CFAP54: variants seen among roughly 807,000 people sequenced by gnomAD.
CFAP54 encodes cilia- and flagella-associated protein 54.
A neutral mutation model predicts 370.4 loss-of-function variants in CFAP54; 290 were observed. The ratio of observed to expected loss-of-function variants is 0.78; its 90% confidence interval spans 0.71 to 0.86. The LOEUF (loss-of-function observed/expected upper bound fraction) is 0.86. Among genes scored for constraint, CFAP54 ranks in the 40% least tolerant of loss-of-function variants. The pLI is 0.00. For synonymous variants in CFAP54, 1,206 were observed against 1,236.5 expected, an observed-to-expected ratio of 0.98 and a Z score of 0.52; for missense variants, 3,399 against 3,528.7, an observed-to-expected ratio of 0.96 and a Z score of 0.93.
At chr12:96,843,984 C>T (rs1033905944) in intron 66 of CFAP54, among the ~76,000 whole-genome samples, 3 of 152,170 alleles carry the variant, frequency 2.0e-5, no homozygotes, top group African/African-American at 4.8e-5. Context: ...GCACAATAGG[C>T]ATTTGCAGGC....
At chr12:96,828,697 C>A (rs1959155538) in intron 65 of CFAP54, among the ~76,000 whole-genome samples, 1 of 152,160 alleles carries the variant, frequency 6.6e-6, no homozygotes, top group African/African-American at 2.4e-5. Flanking sequence ...AATTTCCAGT[C>A]ATTCTTCTCT....
chr12:96,657,062 C>G (rs1956929942), intron 36 of CFAP54, among the ~76,000 whole-genome samples: 1 of 152,122 alleles, frequency 6.6e-6, no homozygotes, highest in Admixed American at 6.5e-5. Flanking sequence ...GATGTTTATC[C>G]TCTACTTTTG....
At chr12:96,644,512 A>G in intron 33 of CFAP54, 104 bp downstream of exon 33, 1 of 812,810 alleles carries the variant, frequency 1.2e-6, no homozygotes, top group Non-Finnish European at 1.9e-6. Context: ...GGAGGTTTAC[A>G]GAGTGCTTCT....
intron 27 of CFAP54, among the ~76,000 whole-genome samples, chr12:96,623,488 G>A (rs1362903048): frequency 6.6e-6 from 1 of 152,206 alleles, no homozygotes; most frequent in Non-Finnish European, 1.5e-5. Context: ...TGCAGGTTTT[G>A]GAGGGGGCTG....
At chr12:96,802,417 A>C (rs1368483943) in intron 63 of CFAP54, among the ~76,000 whole-genome samples, 1 of 152,058 alleles carries the variant, frequency 6.6e-6, no homozygotes, top group Non-Finnish European at 1.5e-5. Flanking sequence ...AAACTATCCT[A>C]AGCACACTTA....
At chr12:96,568,663 CA>C (rs1053157795) in intron 19 of CFAP54, among the ~76,000 whole-genome samples, 22 of 152,102 alleles carry the variant, frequency 1.4e-4, no homozygotes, top group African/African-American at 5.3e-4. Flanking sequence ...AAATTATCCC[CA>C]AATCAGTAAT....
intron 1 of CFAP54, among the ~76,000 whole-genome samples, chr12:96,497,618 A>G (rs1458066819): frequency 1.3e-5 from 2 of 152,224 alleles, no homozygotes; most frequent in African/African-American, 4.8e-5. Context: ...TTACAGTTGA[A>G]GAAACAACCT....
At chr12:96,520,812 A>G (rs954861228) in intron 6 of CFAP54, among the ~76,000 whole-genome samples, 4 of 152,240 alleles carry the variant, frequency 2.6e-5, no homozygotes, top group Non-Finnish European at 4.4e-5. Context: ...GCACATGCCT[A>G]TTCATATCTT....
At chr12:96,809,355 A>G (rs1214095761) in intron 63 of CFAP54, among the ~76,000 whole-genome samples, 1 of 151,840 alleles carries the variant, frequency 6.6e-6, no homozygotes, top group East Asian at 1.9e-4. Flanking sequence ...TTTTTTCCCT[A>G]TTATCTACGT....
At position 96,580,595 on chromosome 12, in the gene CFAP54, A is replaced by G. The variant is rs1405716273; in HGVS notation, c.2797-2A>G. ...AAACAGGCTCATTTTTCTCGTCGGCAGGTCTCCTGGTACTGCATTTTGGGT... is the reference window on the plus strand; with the variant it reads ...AAACAGGCTCATTTTTCTCGTCGGCGGGTCTCCTGGTACTGCATTTTGGGT... On this transcript the variant is annotated splice_acceptor_variant, in intron 20 of 67. Transcript: ENST00000524981. LOFTEE classifies it high-confidence loss of function. 3.4e-6 allele frequency: 5 copies of G among 1,485,694 alleles called. No homozygotes were observed. Among genetic ancestry groups the G allele is most frequent in the Non-Finnish European group, 4.5e-6 (5 of 1,122,124 alleles). The allele number at this position is 1,485,694 out of a possible 1,614,324, so 92.0% of individuals were successfully genotyped here.
At position 96,537,492 on chromosome 12, in the gene CFAP54, A is replaced by G. The variant is rs1955518932; in HGVS notation, c.1792-892A>G. On this transcript the variant is annotated intron_variant, in intron 12 of 67. Coordinates refer to ENST00000524981, the MANE Select transcript of CFAP54 (RefSeq NM_001306084.2). ...AAGTAGCTGGGACTACAGGCACACG[A>G]CACCATGCCCAGCTACTTTTTATAT... 3.9e-5 allele frequency among the ~76,000 whole-genome samples: 6 copies of G among 152,066 alleles called. No individual in the cohort carries two copies. The South Asian group carries it at 1.2e-3, about 32-fold the overall frequency.
intron 32 of CFAP54, among the ~76,000 whole-genome samples, chr12:96,641,936 T>TGGGGGGGGG (rs758561828): frequency 8.1e-5 from 7 of 85,922 alleles, no homozygotes; most frequent in South Asian, 3.5e-4. Flanking sequence ...TGTGGGGTGG[T>TGGGGGGGGG]GCGGGGGGGG....
At chr12:96,551,227 C>A (rs1592846770) in intron 15 of CFAP54, among the ~76,000 whole-genome samples, 1 of 152,104 alleles carries the variant, frequency 6.6e-6, no homozygotes, top group African/African-American at 2.4e-5. Flanking sequence ...CACTGTACTC[C>A]ATTCTAGGCT....
intron 40 of CFAP54, among the ~76,000 whole-genome samples, chr12:96,680,790 A>G (rs967546411): frequency 6.6e-6 from 1 of 152,054 alleles, no homozygotes; most frequent in Non-Finnish European, 1.5e-5. Context: ...TACATTAACA[A>G]TGGGTAAGGC....
chr12:96,490,041 TG>T (rs1327142710), intron 1 of CFAP54, 115 bp downstream of exon 1: 1 of 957,960 alleles, frequency 1.0e-6, no homozygotes, highest in East Asian at 2.6e-5. Context: ...ACGCAGGGGC[TG>T]GCTGAAGGGC....
intron 38 of CFAP54, among the ~76,000 whole-genome samples, chr12:96,662,610 A>T (rs761737111): frequency 2.0e-5 from 3 of 152,220 alleles, no homozygotes; most frequent in Admixed American, 6.5e-5. Flanking sequence ...CCCTATTCAG[A>T]GTAAAGTGAA....
intron 9 of CFAP54, among the ~76,000 whole-genome samples, chr12:96,532,497 C>T (rs143113854): frequency 1.3e-5 from 2 of 152,250 alleles, no homozygotes; most frequent in African/African-American, 4.8e-5. Flanking sequence ...TCACCCAAAC[C>T]CCCAAATTTA....
chr12:96,845,221 A>G (rs1959305376), intron 66 of CFAP54, among the ~76,000 whole-genome samples: 1 of 152,216 alleles, frequency 6.6e-6, no homozygotes, highest in Non-Finnish European at 1.5e-5. Flanking sequence ...GAAATTTGGT[A>G]TGAGTTCTTA....
intron 26 of CFAP54, among the ~76,000 whole-genome samples, chr12:96,599,461 A>G (rs1000761425): frequency 6.6e-6 from 1 of 152,180 alleles, no homozygotes; most frequent in Non-Finnish European, 1.5e-5. Context: ...TAGTGCCACA[A>G]TAAACATACA....
Sources: gnomAD v4.1 joint callset for allele counts (sites outside exome capture counted in the v4.1 genomes callset) on GRCh38, gnomAD v4.1.1 for gene constraint, MANE v1.5 for transcripts, NCBI Gene and HGNC (gene_info 2026-07-23, HGNC 2026-07-21) for gene names.